DOCK2: variants seen among roughly 807,000 people sequenced by gnomAD.
DOCK2 encodes dedicator of cytokinesis 2.
A neutral mutation model predicts 248.9 loss-of-function variants in DOCK2; 87 were observed. That is an observed-to-expected ratio of 0.35 (90% CI 0.29 to 0.42). DOCK2 has a LOEUF of 0.42. DOCK2 is among the 10% of genes least tolerant of loss of function. The probability of loss-of-function intolerance (pLI) is 1.00; values close to 1 mark genes in which losing one functional copy is unlikely to be tolerated. For synonymous variants in DOCK2, 805 were observed against 821.6 expected (o/e 0.98, Z 0.35); for missense variants, 1,747 against 2,300.2 (o/e 0.76, Z 4.92).
intron 26 of DOCK2, among the ~76,000 whole-genome samples, chr5:169,806,220 T>TG (rs1767348119): frequency 7.3e-5 from 2 of 27,550 alleles, no homozygotes; most frequent in African/African-American, 1.2e-4. Context: ...ACCTCGAGAG[T>TG]TTTTTTTTTT....
intron 27 of DOCK2, among the ~76,000 whole-genome samples, chr5:169,940,119 G>T (rs1241968338): frequency 6.6e-6 from 1 of 152,130 alleles, no homozygotes; most frequent in Non-Finnish European, 1.5e-5. Flanking sequence ...GGTCCCCTCC[G>T]TCTATTGAAG....
chr5:169,778,947 C>G (rs1389141639), intron 25 of DOCK2, among the ~76,000 whole-genome samples: 1 of 152,182 alleles, frequency 6.6e-6, no homozygotes, highest in Non-Finnish European at 1.5e-5. Flanking sequence ...ATTCGTTTTT[C>G]TGTGCCTGGC....
chr5:170,079,279 C>T (rs973941983), intron 49 of DOCK2, 133 bp downstream of exon 49: 14 of 1,274,562 alleles, frequency 1.1e-5, no homozygotes, highest in African/African-American at 1.5e-5. Context: ...ATTGCAGAGG[C>T]GGCACCTGAG....
At chr5:169,664,738 C>G (rs1035627453) in intron 2 of DOCK2, among the ~76,000 whole-genome samples, 1 of 152,086 alleles carries the variant, frequency 6.6e-6, no homozygotes, top group African/African-American at 2.4e-5. Context: ...GGAAATCACC[C>G]CTATGATCCA....
At chr5:170,034,615 C>CT in intron 35 of DOCK2, 60 bp downstream of exon 35, 1 of 1,594,492 alleles carries the variant, frequency 6.3e-7, no homozygotes, top group Non-Finnish European at 8.6e-7. Flanking sequence ...TTGGGCTTGG[C>CT]TTTGGGTCTC....
chr5:169,646,985 G>C (rs1258288946), intron 1 of DOCK2, among the ~76,000 whole-genome samples: 1 of 152,182 alleles, frequency 6.6e-6, no homozygotes, highest in Non-Finnish European at 1.5e-5. Context: ...AAAACAGTTC[G>C]GGAAGCTTAC....
At chr5:169,714,949 G>A (rs1761820525) in intron 19 of DOCK2, among the ~76,000 whole-genome samples, 8 of 152,214 alleles carry the variant, frequency 5.3e-5, no homozygotes, top group Admixed American at 5.2e-4. Context: ...GTATGTGTGT[G>A]AGCATATATA....
chr5:169,985,820 T>G lies in DOCK2; in HGVS notation c.2899-8T>G. On this transcript the variant is annotated splice_polypyrimidine_tract_variant and splice_region_variant and intron_variant, in intron 28 of 51. Transcript: ENST00000520908. Reference sequence around the variant, plus strand: ...GGATGACATGTGTGCTGTGCTTCATTGTTTCAGGACTTCTTGATGGAGACC... The same window carrying G: ...GGATGACATGTGTGCTGTGCTTCATGGTTTCAGGACTTCTTGATGGAGACC... 6.2e-7 allele frequency: 1 copy of G among 1,603,998 alleles called. No individual in the cohort carries two copies. Among genetic ancestry groups the G allele is most frequent in the Non-Finnish European group, 8.5e-7 (1 of 1,174,044 alleles).
At chr5:169,681,956 G>A in intron 7 of DOCK2, 77 bp downstream of exon 7, 1 of 1,564,912 alleles carries the variant, frequency 6.4e-7, no homozygotes, top group South Asian at 1.2e-5. Context: ...ATGGGCTAAT[G>A]AACCAGACTG....
chr5:169,953,858 C>G (rs1199189241), intron 27 of DOCK2, among the ~76,000 whole-genome samples: 1 of 152,166 alleles, frequency 6.6e-6, no homozygotes, highest in Non-Finnish European at 1.5e-5. Flanking sequence ...TCTAGCTGTG[C>G]CACTTACTTG....
At chr5:169,751,387 T>C (rs955031145) in intron 23 of DOCK2, among the ~76,000 whole-genome samples, 9 of 152,194 alleles carry the variant, frequency 5.9e-5, no homozygotes, top group Admixed American at 5.2e-4. Flanking sequence ...AGTGAAATAG[T>C]ACGAGGTGAC....
At chr5:169,887,258 T>C (rs188129011) in intron 27 of DOCK2, among the ~76,000 whole-genome samples, 1 of 152,364 alleles carries the variant, frequency 6.6e-6, no homozygotes, top group East Asian at 1.9e-4. Flanking sequence ...AGGAAGTTTA[T>C]GTATCCTTTA....
intron 27 of DOCK2, among the ~76,000 whole-genome samples, chr5:169,932,698 T>C (rs747312931): frequency 1.3e-5 from 2 of 152,204 alleles, no homozygotes; most frequent in African/African-American, 4.8e-5. Flanking sequence ...CTGTTCCCTA[T>C]ATTCCAGTCT....
intron 23 of DOCK2, among the ~76,000 whole-genome samples, chr5:169,757,329 T>C (rs1764248410): frequency 6.6e-6 from 1 of 151,292 alleles, no homozygotes; most frequent in African/African-American, 2.4e-5. Flanking sequence ...TCATAATGCT[T>C]CTTAGCATAT....
At chr5:169,645,434 T>G (rs548503624) in intron 1 of DOCK2, among the ~76,000 whole-genome samples, 1 of 152,358 alleles carries the variant, frequency 6.6e-6, no homozygotes, top group South Asian at 2.1e-4. Flanking sequence ...TCTAGAAGTG[T>G]CTGTTTATAT....
intron 9 of DOCK2, 132 bp from the exon 10 acceptor site, chr5:169,695,671 T>C (rs1045353276): frequency 1.6e-6 from 2 of 1,279,942 alleles, no homozygotes; most frequent in Middle Eastern, 1.9e-4. Context: ...TTCCAGGACT[T>C]ATTGTATGAT....
intron 27 of DOCK2, among the ~76,000 whole-genome samples, chr5:169,890,330 T>A (rs982026205): frequency 1.3e-5 from 2 of 152,228 alleles, no homozygotes; most frequent in African/African-American, 2.4e-5. Context: ...AGCCATTTAC[T>A]GTTGATCATT....
At chr5:170,030,411 A>G (rs374949772) in intron 34 of DOCK2, among the ~76,000 whole-genome samples, 1 of 152,158 alleles carries the variant, frequency 6.6e-6, no homozygotes, top group East Asian at 1.9e-4. Flanking sequence ...CAGTTTTCTT[A>G]TCTGAAAATT....
intron 6 of DOCK2, among the ~76,000 whole-genome samples, chr5:169,677,867 G>C (rs1759421305): frequency 1.3e-5 from 2 of 152,212 alleles, no homozygotes; most frequent in African/African-American, 2.4e-5. Context: ...CTGAGGGCAG[G>C]GGTTTCAAAA....
Sources: gnomAD v4.1 joint callset for allele counts (sites outside exome capture counted in the v4.1 genomes callset) on GRCh38, gnomAD v4.1.1 for gene constraint, MANE v1.5 for transcripts, NCBI Gene and HGNC (gene_info 2026-07-23, HGNC 2026-07-21) for gene names.